The following HNF4A variants were observed in gnomAD, a reference collection of about 807,000 sequenced individuals.
The protein encoded by HNF4A is hepatocyte nuclear factor 4 alpha.
In HNF4A, 15 loss-of-function variants were observed where a neutral mutation model predicts 52.4. The ratio of observed to expected loss-of-function variants is 0.29; its 90% confidence interval spans 0.19 to 0.44. HNF4A has a LOEUF of 0.44. Among genes scored for constraint, HNF4A ranks in the 20% least tolerant of loss-of-function variants. The probability of loss-of-function intolerance (pLI) is 1.00; values close to 1 mark genes in which losing one functional copy is unlikely to be tolerated. For synonymous variants in HNF4A, 280 were observed against 264.4 expected (o/e 1.06, Z -0.57); for missense variants, 479 against 647.2 (o/e 0.74, Z 2.82).
intron 5 of HNF4A, among the ~76,000 whole-genome samples, chr20:44,416,999 A>G (rs1454431604): frequency 1.3e-5 from 2 of 151,608 alleles, no homozygotes; most frequent in East Asian, 1.9e-4. Flanking sequence ...CTATCTGTTC[A>G]TCCTCTCTCC....
chr20:44,369,807 T>A (rs1157372194), intron 1 of HNF4A, among the ~76,000 whole-genome samples: 1 of 151,824 alleles, frequency 6.6e-6, no homozygotes, highest in Admixed American at 6.6e-5. Context: ...GCAATTTTTG[T>A]ATTTTTAATA....
chr20:44,424,609 T>A, intron 8 of HNF4A: 2 of 1,409,754 alleles, frequency 1.4e-6, no homozygotes, highest in Non-Finnish European at 1.9e-6. Context: ...AGCCTCACAT[T>A]TTATGATTTT....
At chr20:44,385,578 C>G (rs1401990309) in intron 1 of HNF4A, among the ~76,000 whole-genome samples, 1 of 151,756 alleles carries the variant, frequency 6.6e-6, no homozygotes, top group Non-Finnish European at 1.5e-5. Context: ...AAGCAATTCT[C>G]CTGCCCCAGC....
chr20:44,366,606 G>A (rs1021840529), intron 1 of HNF4A, among the ~76,000 whole-genome samples: 1 of 152,210 alleles, frequency 6.6e-6, no homozygotes, highest in Non-Finnish European at 1.5e-5. Flanking sequence ...GGGCAACAGA[G>A]CGAGATCCTG....
At chr20:44,379,241 A>C (rs2063122817) in intron 1 of HNF4A, among the ~76,000 whole-genome samples, 1 of 152,190 alleles carries the variant, frequency 6.6e-6, no homozygotes, top group Admixed American at 6.5e-5. Context: ...TATTATGAAT[A>C]ATGCTGCTAT....
At chr20:44,370,279 G>T (rs1008251292) in intron 1 of HNF4A, among the ~76,000 whole-genome samples, 4 of 151,964 alleles carry the variant, frequency 2.6e-5, no homozygotes, top group Non-Finnish European at 4.4e-5. Flanking sequence ...TGCCCGCCTC[G>T]GCCTCCCGAA....
At chr20:44,366,978 C>A (rs1197325114) in intron 1 of HNF4A, among the ~76,000 whole-genome samples, 1 of 152,158 alleles carries the variant, frequency 6.6e-6, no homozygotes, top group Non-Finnish European at 1.5e-5. Context: ...TGTTTTCTAG[C>A]ACTAGGTTGT....
rs1413804456 is a variant in HNF4A, at chr20:44,406,216, C to A, written c.274C>A (p.His92Asn). ...CTTCCGGAGGAGCGTGCGGAAGAAC[C>A]ACATGTACTCCTGCAGGTGAGGAGC... is the stretch of plus-strand genomic sequence containing the variant. Residue 92 changes from histidine (H) to asparagine (N), a missense_variant, in exon 2 of 10, where the codon CAC (histidine) becomes AAC (asparagine). Physicochemically the swap from His to Asn is moderately conservative, Grantham distance 68. Coordinates refer to ENST00000316099, the MANE Select transcript of HNF4A (RefSeq NM_000457.6). 1 of 1,613,454 alleles carries A rather than the reference C, an allele frequency of 6.2e-7. No homozygotes were observed. Among genetic ancestry groups the A allele is most frequent in the East Asian group, 2.2e-5 (1 of 44,870 alleles).
At chr20:44,381,211 G>A (rs1185401196) in intron 1 of HNF4A, among the ~76,000 whole-genome samples, 1 of 150,752 alleles carries the variant, frequency 6.6e-6, no homozygotes, top group East Asian at 1.9e-4. Flanking sequence ...TGAGCCTCAA[G>A]TTTCCTCCCT....
At chr20:44,390,541 GC>G in intron 1 of HNF4A, 1 of 691,674 alleles carries the variant, frequency 1.4e-6, no homozygotes, top group South Asian at 1.5e-5. Context: ...CTGCCCAGCG[GC>G]CCTCGCAGGG....
intron 8 of HNF4A, among the ~76,000 whole-genome samples, chr20:44,425,100 G>A (rs1045839035): frequency 3.3e-5 from 5 of 152,184 alleles, no homozygotes; most frequent in Admixed American, 2.6e-4. Flanking sequence ...TCCTGCCACA[G>A]CCTCCTGAGT....
chr20:44,392,963 C>T (rs2063318267), intron 1 of HNF4A, among the ~76,000 whole-genome samples: 1 of 152,240 alleles, frequency 6.6e-6, no homozygotes, highest in Non-Finnish European at 1.5e-5. Flanking sequence ...CAGTGAGCAA[C>T]CTGCACAACT....
chr20:44,391,729 A>G (rs1200786859), intron 1 of HNF4A, among the ~76,000 whole-genome samples: 1 of 152,212 alleles, frequency 6.6e-6, no homozygotes, highest in East Asian at 1.9e-4. Flanking sequence ...ACCAAACAAG[A>G]TACAGAACAG....
Position 44,432,031 on chromosome 20 carries a change from G to C in HNF4A, c.*2366G>C, listed in dbSNP as rs3212211. ...CTCAGCCTGGTCTGCGGTAAGGCAG[G>C]GAGGCTGGAACCATTTCTGGGCATT... On this transcript the variant is annotated 3_prime_UTR_variant, in exon 10 of 10. Transcript: ENST00000316099. 18,040 of 152,228 alleles carry C rather than the reference G, an allele frequency of 0.12. 1,298 individuals carry two copies. Among genetic ancestry groups the C allele is most frequent in the African/African-American group, 0.21 (8,628 of 41,494 alleles). The allele number at this position is 152,228 out of a possible 1,614,324, so 9.4% of individuals were successfully genotyped here.
Position 44,431,504 on chromosome 20 carries a change from T to G in HNF4A, c.*1839T>G, listed in dbSNP as rs2063877520. On this transcript the variant is annotated 3_prime_UTR_variant, in exon 10 of 10. Coordinates refer to ENST00000316099, the MANE Select transcript of HNF4A (RefSeq NM_000457.6). ...CTGTTGGCATGGGGGTGGGACAGTG[T>G]GCACAGTGTGGGGGCAGGGGAGGGC... 1 of 152,012 alleles carries G rather than the reference T, an allele frequency of 6.6e-6. No individual in the cohort carries two copies. Among genetic ancestry groups the G allele is most frequent in the African/African-American group, 2.4e-5 (1 of 41,240 alleles). The allele number at this position is 152,012 out of a possible 1,614,324, so 9.4% of individuals were successfully genotyped here.
At chr20:44,407,020 G>A (rs566093826) in intron 2 of HNF4A, among the ~76,000 whole-genome samples, 1 of 152,282 alleles carries the variant, frequency 6.6e-6, no homozygotes, top group South Asian at 2.1e-4. Context: ...TATTAACTCT[G>A]AGCCATAACC....
In HNF4A at chr20:44,368,172, T is replaced by A. The variant is rs1407719136; in HGVS notation, c.49+12319T>A. On this transcript the variant is annotated intron_variant, in intron 1 of 9. Coordinates refer to the HNF4A transcript ENST00000316673. The stretch of plus-strand genomic sequence containing the variant: ...TATATATATATATATTTTTTTTTTT[T>A]TTTTTTTTTTTTGAGACAGGGTCTC... Among the ~76,000 whole-genome samples, 319 of 95,634 alleles carry A rather than the reference T, an allele frequency of 3.3e-3. 4 individuals carry two copies. The highest frequency in any genetic ancestry group is 0.013 in the African/African-American group (303 of 23,646). The allele number at this position is 95,634 out of a possible 152,430, so 62.7% of individuals were successfully genotyped here. A position where few individuals can be genotyped will look rare whatever the true frequency, so the allele number is the denominator to read the frequency against.
chr20:44,434,370 C>T (rs996472207), downstream of HNF4A: 1 of 152,180 alleles, frequency 6.6e-6, no homozygotes, highest in Non-Finnish European at 1.5e-5. Context: ...ACTCTCCAGG[C>T]TTCAGAGCAC....
chr20:44,366,540 A>C (rs2062972050), intron 1 of HNF4A, among the ~76,000 whole-genome samples: 1 of 152,018 alleles, frequency 6.6e-6, no homozygotes, highest in African/African-American at 2.4e-5. Flanking sequence ...AGAATCTCTT[A>C]AACCCAGGAG....
Sources: gnomAD v4.1 joint callset for allele counts (sites outside exome capture counted in the v4.1 genomes callset) on GRCh38, gnomAD v4.1.1 for gene constraint, MANE v1.5 for transcripts, NCBI Gene and HGNC (gene_info 2026-07-23, HGNC 2026-07-21) for gene names.